The following CALM3 variants were observed in gnomAD, a reference collection of about 807,000 sequenced individuals.
CALM3 encodes the protein calmodulin 3, also known as calmodulin-3.
A neutral mutation model predicts 20.1 loss-of-function variants in CALM3; 5 were observed. That is an observed-to-expected ratio of 0.25 (90% CI 0.13 to 0.52). The LOEUF (loss-of-function observed/expected upper bound fraction) is 0.52. CALM3 is among the 20% of genes least tolerant of loss of function. The probability of loss-of-function intolerance (pLI) is 0.96; values close to 1 mark genes in which losing one functional copy is unlikely to be tolerated. For missense variants in CALM3, 57 were observed against 192.8 expected (o/e 0.30, Z 4.17); for synonymous variants, 69 against 68.1 (o/e 1.01, Z -0.06).
intron 1 of CALM3, among the ~76,000 whole-genome samples, chr19:46,603,485 T>C (rs1223951315): frequency 1.3e-5 from 2 of 152,190 alleles, no homozygotes; most frequent in Admixed American, 1.3e-4. Flanking sequence ...TGGCATTGGC[T>C]GGGGGCTGGG....
chr19:46,608,047 A>G lies in CALM3; in HGVS notation c.35-150A>G, dbSNP rs1250216500. On this transcript the variant is annotated intron_variant, in intron 2 of 5. Transcript: ENST00000291295. The surrounding 1 kb of genome is among the most constrained non-coding windows in gnomAD (Gnocchi z 5.5). ...TTTGCCCTGAGCACTGAGGAGAGAG[A>G]GCTGGTTGCGTGGGACTTGAAGTCT... is the stretch of plus-strand genomic sequence containing the variant. 8 of 688,820 alleles carry G rather than the reference A, an allele frequency of 1.2e-5. No individual in the cohort carries two copies. The highest frequency in any genetic ancestry group is 1.7e-5 in the Non-Finnish European group (7 of 401,668). The allele number at this position is 688,820 out of a possible 1,614,324, so 42.7% of individuals were successfully genotyped here. A position where few individuals can be genotyped will look rare whatever the true frequency, so the allele number is the denominator to read the frequency against.
chr19:46,602,102 G>C (rs1971634296), intron 1 of CALM3: 1 of 1,313,062 alleles, frequency 7.6e-7, no homozygotes, highest in Non-Finnish European at 1.0e-6. Flanking sequence ...TGAGGTGCAA[G>C]CTTATGGGAG....
At position 46,608,452 on chromosome 19, in the gene CALM3, A is replaced by C. The variant is rs1291932091; in HGVS notation, c.179-30A>C. ...CGTGTCTCTCAGGGCCCAGGCCAAGAGCATTCTCCATCCTTTCCCCACCTT... is the reference window on the plus strand; with the variant it reads ...CGTGTCTCTCAGGGCCCAGGCCAAGCGCATTCTCCATCCTTTCCCCACCTT... On this transcript the variant is annotated intron_variant, in intron 3 of 5. Coordinates refer to ENST00000291295, the MANE Select transcript of CALM3 (RefSeq NM_005184.4). The surrounding 1 kb of genome is among the most constrained non-coding windows in gnomAD (Gnocchi z 5.5). 9 of 1,610,848 alleles carry C rather than the reference A, an allele frequency of 5.6e-6. No homozygotes were observed. Among genetic ancestry groups the C allele is most frequent in the Non-Finnish European group, 7.6e-6 (9 of 1,177,018 alleles).
chr19:46,603,149 A>AG (rs1413873649), intron 1 of CALM3, among the ~76,000 whole-genome samples: 1 of 152,210 alleles, frequency 6.6e-6, no homozygotes, highest in African/African-American at 2.4e-5. Context: ...CTCCCTGGCA[A>AG]GGCTGGGGAG....
Position 46,601,992 on chromosome 19 carries a change from T to C in CALM3, c.3+555T>C. On this transcript the variant is annotated intron_variant, in intron 1 of 5. Transcript: ENST00000291295. The surrounding 1 kb of genome is among the most constrained non-coding windows in gnomAD (Gnocchi z 4.2). ...GGCTCCTGTGGAGCAGAGGAGAGGG[T>C]CAAGGATGGGCGGTCACTTCTACAG... The C allele has an allele frequency of 1.3e-6, 1 of 797,628 alleles. No individual in the cohort carries two copies. The highest frequency in any genetic ancestry group is 1.7e-6 in the Non-Finnish European group (1 of 590,470). 49.4% of individuals were successfully genotyped at this position (797,628 alleles called of 1,614,324 possible).
chr19:46,606,844 A>G (rs944046080), intron 2 of CALM3, among the ~76,000 whole-genome samples: 2 of 152,164 alleles, frequency 1.3e-5, no homozygotes, highest in Non-Finnish European at 2.9e-5. Flanking sequence ...GCCAGCACAC[A>G]GTAGACCAGA....
At position 46,601,955 on chromosome 19, in the gene CALM3, G is replaced by A; in HGVS notation, c.3+518G>A. The stretch of plus-strand genomic sequence containing the variant: ...AGGGTAGCTGGGCCCGGGCGGGGAG[G>A]GGCGACCCCTGGGCTCCTGTGGAGC... On this transcript the variant is annotated intron_variant, in intron 1 of 5. Transcript: ENST00000291295. This position sits in a 1 kb window ranked among gnomAD's most constrained non-coding sequence, Gnocchi z 4.2. 2.0e-6 allele frequency: 1 copy of A among 506,586 alleles called. No individual in the cohort carries two copies. The highest frequency in any genetic ancestry group is 3.2e-6 in the Non-Finnish European group (1 of 316,664). 31.4% of individuals were successfully genotyped at this position (506,586 alleles called of 1,614,324 possible).
In CALM3 at chr19:46,610,498, C is replaced by A. The variant is rs1971861714; in HGVS notation, c.*1345C>A. Reference sequence around the variant, plus strand: ...CCACCCCACCCCCCACCCCCTGCTTCCCCTCACTGCCCAGGTCGATCAAGT... The same window carrying A: ...CCACCCCACCCCCCACCCCCTGCTTACCCTCACTGCCCAGGTCGATCAAGT... On this transcript the variant is annotated 3_prime_UTR_variant, in exon 6 of 6. Coordinates refer to ENST00000291295, the MANE Select transcript of CALM3 (RefSeq NM_005184.4). 1 of 89,974 alleles carries A rather than the reference C, an allele frequency of 1.1e-5. No individual in the cohort carries two copies. The highest frequency in any genetic ancestry group is 4.4e-5 in the African/African-American group (1 of 22,966). The allele number at this position is 89,974 out of a possible 1,614,324, so 5.6% of individuals were successfully genotyped here. A position where few individuals can be genotyped will look rare whatever the true frequency, so the allele number is the denominator to read the frequency against.
Position 46,605,055 on chromosome 19 carries a change from G to A in CALM3, c.4-772G>A, listed in dbSNP as rs1971713247. 6.6e-6 allele frequency: 1 copy of A among 152,236 alleles called. No homozygotes were observed. The highest frequency in any genetic ancestry group is 1.5e-5 in the Non-Finnish European group (1 of 68,096). The allele number at this position is 152,236 out of a possible 1,614,324, so 9.4% of individuals were successfully genotyped here. Reference sequence around the variant, plus strand: ...TCCCCAGAGTGCCCAAGCTGGAAAGGGTTAAAAACTGCAGTGCAAGCCAGC... The same window carrying A: ...TCCCCAGAGTGCCCAAGCTGGAAAGAGTTAAAAACTGCAGTGCAAGCCAGC... On this transcript the variant is annotated intron_variant, in intron 1 of 5. Coordinates refer to ENST00000291295, the MANE Select transcript of CALM3 (RefSeq NM_005184.4). The surrounding 1 kb of genome is among the most constrained non-coding windows in gnomAD (Gnocchi z 4.1).
At chr19:46,602,525 A>C in intron 1 of CALM3, 1 of 287,842 alleles carries the variant, frequency 3.5e-6, no homozygotes, top group Non-Finnish European at 6.8e-6. Flanking sequence ...GCCAGGACAA[A>C]GACGGCTCAG....
Position 46,608,684 on chromosome 19 carries a change from C to A in CALM3, c.285+96C>A. 7.8e-7 allele frequency: 1 copy of A among 1,282,532 alleles called. No individual in the cohort carries two copies. The highest frequency in any genetic ancestry group is 1.1e-6 in the Non-Finnish European group (1 of 906,616). 79.4% of individuals were successfully genotyped at this position (1,282,532 alleles called of 1,614,324 possible). A position where few individuals can be genotyped will look rare whatever the true frequency, so the allele number is the denominator to read the frequency against. ...CACGGAGCTACCACTTCCAGGAGGT[C>A]CGGGTCCCGGTGCCAGCCTCATTGC... is the stretch of plus-strand genomic sequence containing the variant. On this transcript the variant is annotated intron_variant, in intron 4 of 5. Coordinates refer to ENST00000291295, the MANE Select transcript of CALM3 (RefSeq NM_005184.4). The surrounding 1 kb of genome is among the most constrained non-coding windows in gnomAD (Gnocchi z 5.5).
At position 46,601,535 on chromosome 19, in the gene CALM3, T is replaced by G; in HGVS notation, c.3+98T>G. On this transcript the variant is annotated intron_variant, in intron 1 of 5. Transcript: ENST00000291295. This position sits in a 1 kb window ranked among gnomAD's most constrained non-coding sequence, Gnocchi z 4.2. ...GCGACAGAGCCCAGAGTGGGGGGCG[T>G]CCGGGCCCGGCGAGAGCCTCGGGAC... 8.5e-7 allele frequency: 1 copy of G among 1,170,956 alleles called. No individual in the cohort carries two copies. Among genetic ancestry groups the G allele is most frequent in the African/African-American group, 1.6e-5 (1 of 62,102 alleles). The allele number at this position is 1,170,956 out of a possible 1,614,324, so 72.5% of individuals were successfully genotyped here.
rs766134859 is a variant in CALM3, at chr19:46,605,593, C to T, written c.4-234C>T. 3.3e-4 allele frequency among the ~76,000 whole-genome samples: 50 copies of T among 152,252 alleles called. No homozygotes were observed. Among genetic ancestry groups the T allele is most frequent in the East Asian group, 1.9e-4 (1 of 5,202 alleles). ...GTCTGGGCAGCTTCATCGGGCCGTGCGTCCAGCAGGCCTGAGTGTCCAGCC... is the reference window on the plus strand; with the variant it reads ...GTCTGGGCAGCTTCATCGGGCCGTGTGTCCAGCAGGCCTGAGTGTCCAGCC... On this transcript the variant is annotated intron_variant, in intron 1 of 5. Coordinates refer to ENST00000291295, the MANE Select transcript of CALM3 (RefSeq NM_005184.4). The surrounding 1 kb of genome is among the most constrained non-coding windows in gnomAD (Gnocchi z 4.1).
rs979722071 is a variant in CALM3 at position 46,609,313 on chromosome 19, G to T, written c.*160G>T. 1.4e-6 allele frequency: 1 copy of T among 712,082 alleles called. No homozygotes were observed. Among genetic ancestry groups the T allele is most frequent in the Non-Finnish European group, 2.4e-6 (1 of 410,240 alleles). 44.1% of individuals were successfully genotyped at this position (712,082 alleles called of 1,614,324 possible). A position where few individuals can be genotyped will look rare whatever the true frequency, so the allele number is the denominator to read the frequency against. The stretch of plus-strand genomic sequence containing the variant: ...ACAAAAGATTTGTCCCAAGCTGCAT[G>T]ATTGCTCTTTCTCCTTCTTCCCTGA... On this transcript the variant is annotated 3_prime_UTR_variant, in exon 6 of 6. Transcript: ENST00000291295.
In CALM3 at chr19:46,609,925, T is replaced by C. The variant is rs1971838636; in HGVS notation, c.*772T>C. ...CCTGAAGCGCTCTCGAGCTGTTCTG[T>C]AAATACCTGGTGCTAACATCCCATG... On this transcript the variant is annotated 3_prime_UTR_variant, in exon 6 of 6. Coordinates refer to ENST00000291295, the MANE Select transcript of CALM3 (RefSeq NM_005184.4). 6.5e-6 allele frequency: 1 copy of C among 152,746 alleles called. No individual in the cohort carries two copies. Among genetic ancestry groups the C allele is most frequent in the Admixed American group, 6.5e-5 (1 of 15,274 alleles). 9.5% of individuals were successfully genotyped at this position (152,746 alleles called of 1,614,324 possible).
At chr19:46,602,593 T>G (rs1971653052) in intron 1 of CALM3, 2 of 200,724 alleles carry the variant, frequency 1.0e-5, no homozygotes, top group South Asian at 1.3e-4. Context: ...TCCTCCTTCC[T>G]CAGGAAGAAC....
intron 2 of CALM3, among the ~76,000 whole-genome samples, chr19:46,606,989 C>T (rs1381689351): frequency 6.6e-6 from 1 of 152,196 alleles, no homozygotes; most frequent in Non-Finnish European, 1.5e-5. Context: ...GACTTGCCTT[C>T]TCTCCTTTCT....
chr19:46,602,588 C>A, intron 1 of CALM3: 1 of 203,718 alleles, frequency 4.9e-6, no homozygotes, highest in Non-Finnish European at 1.0e-5. Flanking sequence ...TACCGTCCTC[C>A]TTCCTCAGGA....
rs1971633758 is a variant in CALM3, at chr19:46,602,086, G to A, written c.3+649G>A. On this transcript the variant is annotated intron_variant, in intron 1 of 5. Transcript: ENST00000291295. ...CAGAGCCCAGCACTGCAGAGGAGGA[G>A]GAGGGTGAGGTGCAAGCTTATGGGA... 3.8e-6 allele frequency: 5 copies of A among 1,307,428 alleles called. No homozygotes were observed. The Admixed American group carries it at 1.1e-4, about 30-fold the overall frequency. 81.0% of individuals were successfully genotyped at this position (1,307,428 alleles called of 1,614,324 possible).
Sources: gnomAD v4.1 joint callset for allele counts (sites outside exome capture counted in the v4.1 genomes callset) on GRCh38, gnomAD v4.1.1 for gene constraint, Gnocchi (gnomAD v3.1) non-coding constraint, MANE v1.5 for transcripts, NCBI Gene and HGNC (gene_info 2026-07-23, HGNC 2026-07-21) for gene names.